The following GAS7 variants were observed in gnomAD, a reference collection of about 807,000 sequenced individuals.
GAS7 encodes growth arrest specific 7.
GAS7 carries 28 observed loss-of-function variants against 71.1 expected under a neutral mutation model. That is an observed-to-expected ratio of 0.39 (90% CI 0.29 to 0.54). The LOEUF is 0.54. Among genes scored for constraint, GAS7 ranks in the 20% least tolerant of loss-of-function variants. The probability of loss-of-function intolerance (pLI) is 0.62; values close to 1 mark genes in which losing one functional copy is unlikely to be tolerated. For synonymous variants in GAS7, 258 were observed against 245.8 expected (o/e 1.05, Z -0.46); for missense variants, 436 against 627.8 (o/e 0.69, Z 3.27).
At chr17:10,172,026 C>T (rs989658586) in intron 1 of GAS7, among the ~76,000 whole-genome samples, 1 of 152,160 alleles carries the variant, frequency 6.6e-6, no homozygotes, top group African/African-American at 2.4e-5. Context: ...CACAGGACAG[C>T]GGATGATCTA....
chr17:10,096,523 C>G (rs547821217), intron 1 of GAS7, among the ~76,000 whole-genome samples: 52 of 152,322 alleles, frequency 3.4e-4, no homozygotes, highest in African/African-American at 1.2e-3. Flanking sequence ...CCACAGTGGC[C>G]TTCTTCCAAG....
Position 9,910,823 on chromosome 17 carries a change from T to C in GAS7, c.*6405A>G. 1 of 227,498 alleles carries C rather than the reference T, an allele frequency of 4.4e-6. No homozygotes were observed. Among genetic ancestry groups the C allele is most frequent in the Non-Finnish European group, 8.7e-6 (1 of 114,300 alleles). 14.1% of individuals were successfully genotyped at this position (227,498 alleles called of 1,614,324 possible). On this transcript the variant is annotated 3_prime_UTR_variant, in exon 14 of 14. Coordinates refer to ENST00000432992, the MANE Select transcript of GAS7 (RefSeq NM_201433.2). ...TATAAATTATATTACATCAATTTTA[T>C]TTACTGATCTAGGCAGCCAGAGGGT... is the stretch of plus-strand genomic sequence containing the variant.
intron 5 of GAS7, among the ~76,000 whole-genome samples, chr17:9,954,843 T>A (rs1400254188): frequency 1.3e-5 from 2 of 151,878 alleles, no homozygotes; most frequent in African/African-American, 4.9e-5. Flanking sequence ...AGAGGAAGCA[T>A]GTTTCCATCC....
At chr17:10,144,116 A>C (rs1052038807) in intron 1 of GAS7, among the ~76,000 whole-genome samples, 5 of 81,192 alleles carry the variant, frequency 6.2e-5, no homozygotes, top group Admixed American at 4.9e-4. Flanking sequence ...CCTGCTGGCA[A>C]GATGTGATTG....
rs142746781 is a variant in GAS7, at chr17:10,007,886, C to T, written c.304+11891G>A. Among the ~76,000 whole-genome samples the T allele has an allele frequency of 3.7e-4, 55 of 147,104 alleles. No homozygotes were observed. In the East Asian group the frequency reaches 0.011, roughly 28 times the overall value. ...AACCCTGTACCCATCAGCAGTCACT[C>T]GCCATTAATTCCAGCTCCCCCCCGC... On this transcript the variant is annotated intron_variant, in intron 2 of 13. Coordinates refer to ENST00000432992, the MANE Select transcript of GAS7 (RefSeq NM_201433.2).
At chr17:10,177,467 C>G (rs552300344) in intron 1 of GAS7, among the ~76,000 whole-genome samples, 1 of 152,054 alleles carries the variant, frequency 6.6e-6, no homozygotes, top group East Asian at 1.9e-4. Flanking sequence ...ATGCTGCTGA[C>G]GCCATGTGTG....
chr17:10,014,444 T>C (rs895952113), intron 2 of GAS7, among the ~76,000 whole-genome samples: 2 of 152,166 alleles, frequency 1.3e-5, no homozygotes, highest in African/African-American at 4.8e-5. Context: ...TTCCCATGGA[T>C]TCCCGCTGCC....
At chr17:10,151,167 T>C (rs890891947) in intron 1 of GAS7, among the ~76,000 whole-genome samples, 1 of 152,130 alleles carries the variant, frequency 6.6e-6, no homozygotes, top group Non-Finnish European at 1.5e-5. Flanking sequence ...CTTCTTTTTT[T>C]AAGTTTGGTT....
chr17:9,978,175 C>G (rs1179435283), intron 3 of GAS7, among the ~76,000 whole-genome samples: 2 of 151,996 alleles, frequency 1.3e-5, no homozygotes, highest in African/African-American at 4.8e-5. Flanking sequence ...GATCACACCA[C>G]TGCACTCCAG....
chr17:10,150,964 C>T (rs2074161580), intron 1 of GAS7, among the ~76,000 whole-genome samples: 1 of 152,142 alleles, frequency 6.6e-6, no homozygotes, highest in Non-Finnish European at 1.5e-5. Flanking sequence ...TACTTCTGTG[C>T]CTCAGTTTCC....
At chr17:9,948,674 C>T (rs1381913214) in intron 5 of GAS7, among the ~76,000 whole-genome samples, 1 of 150,636 alleles carries the variant, frequency 6.6e-6, no homozygotes, top group Non-Finnish European at 1.5e-5. Context: ...CAGAGTGAGA[C>T]TCCCCCTCAA....
rs73260925 is a variant in GAS7 at position 9,915,001 on chromosome 17, G to T, written c.*2227C>A. ...GGGCCATTATAGTGTCCTCAGATTA[G>T]ATCTTAGCACAATGGCTTTAACCTG... On this transcript the variant is annotated 3_prime_UTR_variant, in exon 14 of 14. Transcript: ENST00000432992. 0.02 allele frequency: 4,596 copies of T among 232,156 alleles called. 189 individuals are homozygous for T. The highest frequency in any genetic ancestry group is 0.092 in the African/African-American group (4,166 of 45,322). 14.4% of individuals were successfully genotyped at this position (232,156 alleles called of 1,614,324 possible).
intron 1 of GAS7, among the ~76,000 whole-genome samples, chr17:10,051,979 A>C (rs537643315): frequency 6.6e-6 from 1 of 152,296 alleles, no homozygotes; most frequent in East Asian, 1.9e-4. Context: ...CTTGATATAC[A>C]GTAGTTTATT....
At chr17:10,043,691 G>C (rs2072905398) in intron 1 of GAS7, among the ~76,000 whole-genome samples, 1 of 152,206 alleles carries the variant, frequency 6.6e-6, no homozygotes, top group Admixed American at 6.5e-5. Flanking sequence ...GAAGTGGGAG[G>C]ATGGCTTGAG....
At chr17:10,068,895 G>A (rs1411832994) in intron 1 of GAS7, among the ~76,000 whole-genome samples, 4 of 152,126 alleles carry the variant, frequency 2.6e-5, no homozygotes, top group African/African-American at 9.7e-5. Flanking sequence ...AGTCACATAG[G>A]ATGTGCCTAA....
intron 1 of GAS7, chr17:10,061,441 C>T (rs1597763411): frequency 1.3e-5 from 2 of 152,358 alleles, no homozygotes; most frequent in Non-Finnish European, 2.9e-5. Context: ...CCTGGCCTCT[C>T]CTCCCCACCC....
rs1358832832 is a variant in GAS7 at position 9,913,315 on chromosome 17, A to G, written c.*3913T>C. The G allele has an allele frequency of 1.3e-5, 3 of 232,518 alleles. No individual in the cohort carries two copies. The highest frequency in any genetic ancestry group is 2.2e-5 in the African/African-American group (1 of 45,244). 14.4% of individuals were successfully genotyped at this position (232,518 alleles called of 1,614,324 possible). On this transcript the variant is annotated 3_prime_UTR_variant, in exon 14 of 14. Transcript: ENST00000432992. ...CTTAACATTAGAAGTGCTCTCTCCG[A>G]CCTACACAAGGAATGCATCTTGAGC...
At chr17:10,016,602 C>CAAAAAAAAAAAA (rs1158379710) in intron 2 of GAS7, among the ~76,000 whole-genome samples, 3 of 84,736 alleles carry the variant, frequency 3.5e-5, no homozygotes, top group Non-Finnish European at 5.0e-5. Flanking sequence ...CTGTCTCTAC[C>CAAAAAAAAAAAA]AAAAAAAAAA....
intron 1 of GAS7, among the ~76,000 whole-genome samples, chr17:10,043,994 C>T (rs1279375700): frequency 1.3e-5 from 2 of 152,210 alleles, no homozygotes; most frequent in Non-Finnish European, 2.9e-5. Flanking sequence ...ACTGTATTTA[C>T]TGATGCCATA....
Sources: allele counts gnomAD v4.1 joint callset (sites outside exome capture counted in the v4.1 genomes callset), GRCh38; gene constraint gnomAD v4.1.1; transcripts MANE v1.5; gene names NCBI Gene and HGNC (gene_info 2026-07-23, HGNC 2026-07-21).